Variants in NKAIN3 observed in about 807,000 individuals in gnomAD.
The protein encoded by NKAIN3 is sodium/potassium transporting ATPase interacting 3, also known as sodium/potassium-transporting ATPase subunit beta-1-interacting protein 3.
A neutral mutation model predicts 30.2 loss-of-function variants in NKAIN3; 25 were observed. That is an observed-to-expected ratio of 0.83 (90% CI 0.60 to 1.16). The LOEUF is 1.16. NKAIN3 is among the 50% of genes most tolerant of loss of function. NKAIN3 has a pLI of 0.00. For synonymous variants in NKAIN3, 91 were observed against 89.6 expected (o/e 1.02, Z -0.09); for missense variants, 225 against 254.1 (o/e 0.89, Z 0.78).
At chr8:62,295,708 T>A (rs1294430018) in intron 1 of NKAIN3, among the ~76,000 whole-genome samples, 4 of 152,176 alleles carry the variant, frequency 2.6e-5, no homozygotes, top group Non-Finnish European at 5.9e-5. Context: ...AGCTCCCCTC[T>A]TCGGGTAGAA....
At chr8:62,900,983 T>C (rs1156531748) in intron 4 of NKAIN3, among the ~76,000 whole-genome samples, 1 of 152,066 alleles carries the variant, frequency 6.6e-6, no homozygotes, top group Non-Finnish European at 1.5e-5. Context: ...CCCCCAACTG[T>C]CAGATGGAAC....
intron 1 of NKAIN3, among the ~76,000 whole-genome samples, chr8:62,529,465 T>C (rs1191922906): frequency 6.6e-6 from 1 of 152,074 alleles, no homozygotes; most frequent in Non-Finnish European, 1.5e-5. Flanking sequence ...GGAGCAGGCC[T>C]TTGGAAGGTG....
intron 3 of NKAIN3, among the ~76,000 whole-genome samples, chr8:62,667,013 TAGTG>T (rs1374706295): frequency 1.3e-5 from 2 of 151,910 alleles, no homozygotes; most frequent in Non-Finnish European, 2.9e-5. Context: ...ACTGTGTTGT[TAGTG>T]AGTAAGTAAA....
intron 3 of NKAIN3, among the ~76,000 whole-genome samples, chr8:62,611,399 T>G (rs528583528): frequency 6.6e-6 from 1 of 152,268 alleles, no homozygotes; most frequent in South Asian, 2.1e-4. Context: ...TCTTAGTCAT[T>G]CTTTTAAACT....
rs553233376 is a variant in NKAIN3, at chr8:62,978,839, G to A, written c.*13432G>A. 9.1e-5 allele frequency: 14 copies of A among 154,336 alleles called. No homozygotes were observed. Among genetic ancestry groups the A allele is most frequent in the African/African-American group, 3.4e-4 (14 of 41,604 alleles). 9.6% of individuals were successfully genotyped at this position (154,336 alleles called of 1,614,324 possible). ...TTTGTGCTTGAAATCCAGGGCCCTTGTGGTGTAGGCACCCAAGGGATCTCC... is the reference window on the plus strand; with the variant it reads ...TTTGTGCTTGAAATCCAGGGCCCTTATGGTGTAGGCACCCAAGGGATCTCC... On this transcript the variant is annotated 3_prime_UTR_variant, in exon 7 of 7. Coordinates refer to ENST00000623646, the MANE Select transcript of NKAIN3 (RefSeq NM_001304533.3).
chr8:62,356,837 C>A (rs1288242002), intron 1 of NKAIN3, among the ~76,000 whole-genome samples: 1 of 152,106 alleles, frequency 6.6e-6, no homozygotes, highest in Non-Finnish European at 1.5e-5. Flanking sequence ...CCAGGCCAGG[C>A]ACGGTGGCTC....
chr8:62,512,183 G>A (rs545139565), intron 1 of NKAIN3, among the ~76,000 whole-genome samples: 13 of 152,224 alleles, frequency 8.5e-5, no homozygotes, highest in Admixed American at 2.0e-4. Context: ...TATCTATGAA[G>A]ATTGCTAAAA....
intron 1 of NKAIN3, among the ~76,000 whole-genome samples, chr8:62,428,310 G>T (rs1391127333): frequency 2.0e-5 from 3 of 151,962 alleles, no homozygotes; most frequent in African/African-American, 7.2e-5. Flanking sequence ...ACATGAGAGT[G>T]CAGGTGTCTC....
rs141599095 is a variant in NKAIN3, at chr8:62,542,612, G to A, written c.55-36927G>A. Among the ~76,000 whole-genome samples, 108 of 151,868 alleles carry A rather than the reference G, an allele frequency of 7.1e-4. 1 individual carries two copies. The Middle Eastern group carries it at 0.024, about 33-fold the overall frequency. The stretch of plus-strand genomic sequence containing the variant: ...AGTTCCTCTATCCCAAGTCCAACAA[G>A]GTAATTAGGTATTTCAGAAAAAAAA... On this transcript the variant is annotated intron_variant, in intron 1 of 6. Transcript: ENST00000623646.
intron 1 of NKAIN3, among the ~76,000 whole-genome samples, chr8:62,334,300 G>A (rs534944458): frequency 9.4e-4 from 143 of 152,206 alleles, no homozygotes; most frequent in African/African-American, 3.3e-3. Flanking sequence ...CCATGCTCTA[G>A]GGAAAGATTC....
intron 1 of NKAIN3, among the ~76,000 whole-genome samples, chr8:62,379,697 G>A (rs1585741819): frequency 1.3e-5 from 2 of 152,142 alleles, no homozygotes; most frequent in South Asian, 4.1e-4. Context: ...GGCCTCCCAA[G>A]CTATGCAGAA....
intron 1 of NKAIN3, among the ~76,000 whole-genome samples, chr8:62,302,747 A>G (rs1814091507): frequency 6.6e-6 from 1 of 152,034 alleles, no homozygotes; most frequent in Non-Finnish European, 1.5e-5. Context: ...GTTACAGTTT[A>G]TTTTCTTCTT....
At chr8:62,438,148 A>G (rs1217662221) in intron 1 of NKAIN3, among the ~76,000 whole-genome samples, 5 of 151,746 alleles carry the variant, frequency 3.3e-5, no homozygotes, top group African/African-American at 9.7e-5. Context: ...CTGGCTCCAC[A>G]CTCCTCTTCT....
chr8:62,991,426 A>T (rs934997550), intron 5 of NKAIN3, among the ~76,000 whole-genome samples: 2 of 152,234 alleles, frequency 1.3e-5, no homozygotes, highest in Non-Finnish European at 2.9e-5. Flanking sequence ...CTTGAGCAGA[A>T]ATTAAATTTA....
intron 1 of NKAIN3, among the ~76,000 whole-genome samples, chr8:62,552,192 C>T (rs1007034705): frequency 5.3e-5 from 8 of 152,026 alleles, no homozygotes; most frequent in African/African-American, 1.7e-4. Context: ...GTTTTATTTC[C>T]AAGTATGGTT....
At chr8:62,371,017 A>G (rs1236494554) in intron 1 of NKAIN3, among the ~76,000 whole-genome samples, 3 of 151,980 alleles carry the variant, frequency 2.0e-5, no homozygotes, top group South Asian at 4.1e-4. Context: ...TAAACATGGT[A>G]TATCGTGAGT....
At chr8:62,537,628 A>G (rs1808704698) in intron 1 of NKAIN3, among the ~76,000 whole-genome samples, 1 of 151,978 alleles carries the variant, frequency 6.6e-6, no homozygotes. Flanking sequence ...GCATTTTGTT[A>G]TATCTAGTAA....
chr8:62,571,086 G>A (rs1839872), intron 1 of NKAIN3, among the ~76,000 whole-genome samples: 113,574 of 151,606 alleles, frequency 0.75, 42,930 homozygotes, highest in South Asian at 0.8. Flanking sequence ...TATTAGCTAA[G>A]TTGGTATTTC....
rs575717591 is a variant in NKAIN3, at chr8:62,965,338, G to A, written c.604-16G>A. On this transcript the variant is annotated splice_polypyrimidine_tract_variant and intron_variant, in intron 6 of 6. Coordinates refer to ENST00000623646, the MANE Select transcript of NKAIN3 (RefSeq NM_001304533.3). ...GCTTTGAAGTTCTTGAAAGCAATTCGTATTTTCTGTTTTAGGTCGAAATAA... is the reference window on the plus strand; with the variant it reads ...GCTTTGAAGTTCTTGAAAGCAATTCATATTTTCTGTTTTAGGTCGAAATAA... 17 of 985,690 alleles carry A rather than the reference G, an allele frequency of 1.7e-5. No individual in the cohort carries two copies. Among genetic ancestry groups the A allele is most frequent in the South Asian group, 1.4e-4 (3 of 21,278 alleles). 61.1% of individuals were successfully genotyped at this position (985,690 alleles called of 1,614,324 possible).
Sources: gnomAD v4.1 joint callset for allele counts (sites outside exome capture counted in the v4.1 genomes callset) on GRCh38, gnomAD v4.1.1 for gene constraint, MANE v1.5 for transcripts, NCBI Gene and HGNC (gene_info 2026-07-23, HGNC 2026-07-21) for gene names.